Variants in CCDC74B observed in about 807,000 individuals in gnomAD.
The protein encoded by CCDC74B is coiled-coil domain containing 74B, also known as coiled-coil domain-containing protein 74B.
A neutral mutation model predicts 38.0 loss-of-function variants in CCDC74B; 34 were observed. That is an observed-to-expected ratio of 0.89 (90% CI 0.68 to 1.19). The LOEUF (loss-of-function observed/expected upper bound fraction) is 1.19. Among genes scored for constraint, CCDC74B ranks in the 50% most tolerant of loss-of-function variants. The pLI is 0.00. For synonymous variants in CCDC74B, 132 were observed against 170.4 expected, an observed-to-expected ratio of 0.77 and a Z score of 1.76; for missense variants, 358 against 406.0, an observed-to-expected ratio of 0.88 and a Z score of 1.02.
chr2:130,141,955 C>A, intron 3 of CCDC74B, 178 bp downstream of exon 3: 2 of 711,572 alleles, frequency 2.8e-6, no homozygotes, highest in African/African-American at 1.8e-5. Flanking sequence ...TGCCCACCCC[C>A]CCTTAATCCC....
chr2:130,144,210 G>C (rs1429286143), intron 1 of CCDC74B, among the ~76,000 whole-genome samples: 10 of 152,180 alleles, frequency 6.6e-5, no homozygotes. Context: ...CAAGATCTCG[G>C]CTCACTGCAA....
In CCDC74B at chr2:130,144,254, C is replaced by T. The variant is rs529064512; in HGVS notation, c.250+493G>A. 2.9e-4 allele frequency: 114 copies of T among 389,136 alleles called. 1 individual carries two copies. The highest frequency in any genetic ancestry group is 9.0e-4 in the Middle Eastern group (1 of 1,106). The allele number at this position is 389,136 out of a possible 1,614,324, so 24.1% of individuals were successfully genotyped here. On this transcript the variant is annotated intron_variant, in intron 1 of 7. Transcript: ENST00000409943. ...TCCCGGGTTCACGCCATTCTCCTGCCTCAGCCTCCCGAGTAGCTGGGACTA... is the reference window on the plus strand; with the variant it reads ...TCCCGGGTTCACGCCATTCTCCTGCTTCAGCCTCCCGAGTAGCTGGGACTA...
chr2:130,143,349 A>C, intron 1 of CCDC74B, 36 bp from the exon 2 acceptor site: 1 of 1,613,632 alleles, frequency 6.2e-7, no homozygotes, highest in East Asian at 2.2e-5. Flanking sequence ...AGCACTTGTG[A>C]AACCACAGCC....
At position 130,144,839 on chromosome 2, in the gene CCDC74B, A is replaced by C; in HGVS notation, c.158T>G (p.Leu53Arg). 1.2e-6 allele frequency: 2 copies of C among 1,613,520 alleles called. No homozygotes were observed. The highest frequency in any genetic ancestry group is 1.7e-5 in the Admixed American group (1 of 60,020). ...QSDPQKRNLDLEKSLQFLQQQ... is the reference protein window; with the variant it reads ...QSDPQKRNLDREKSLQFLQQQ... The stretch of plus-strand genomic sequence containing the variant: ...CTGCAGGAACTGTAGGCTCTTCTCC[A>C]GGTCCAGGTTCCGTTTCTGCGGGTC... Residue 53 changes from leucine (L) to arginine (R), a missense_variant, in exon 1 of 8, where the codon CTG becomes CGG. Leu to Arg is a moderately radical substitution (Grantham distance 102). Around this residue, in one of 3 missense-constraint regions of CCDC74B, gnomAD observed 128 missense variants for 146.7 expected, o/e 0.87. Transcript: ENST00000409943.
At chr2:130,141,013 C>T (rs1685580639) in intron 4 of CCDC74B, 145 bp downstream of exon 4, 18 of 1,355,976 alleles carry the variant, frequency 1.3e-5, no homozygotes, top group Non-Finnish European at 1.6e-5. Flanking sequence ...CTATCATGAG[C>T]CCTGGAGACA....
Position 130,144,972 on chromosome 2 carries a change from C to T in CCDC74B, c.25G>A (p.Gly9Arg), listed in dbSNP as rs1194083400. The T allele has an allele frequency of 6.8e-6, 10 of 1,475,786 alleles. No homozygotes were observed. The highest frequency in any genetic ancestry group is 4.2e-5 in the South Asian group (3 of 71,278). 91.4% of individuals were successfully genotyped at this position (1,475,786 alleles called of 1,614,324 possible). MSGAGVAAGTRPPSSPTPG... is the reference protein window; with the variant it reads MSGAGVAARTRPPSSPTPG... ...GTCGGCGAGCTGGGGGGCCGCGTCC[C>T]AGCCGCCACCCCCGCACCGCTCATA... Residue 9 changes from glycine (G) to arginine (R), a missense_variant, in exon 1 of 8, where the codon GGG (glycine) becomes AGG (arginine). By Grantham distance (125) the Gly-to-Arg change is moderately radical. Transcript: ENST00000409943.
rs551790252 is a variant in CCDC74B at position 130,139,786 on chromosome 2, G to A, written c.810-96C>T. 3.1e-6 allele frequency: 5 copies of A among 1,606,702 alleles called. No individual in the cohort carries two copies. In the South Asian group the frequency reaches 5.5e-5, roughly 18 times the overall value. ...ATGGCCCTCACGGGGGCACAGAGAG[G>A]CCTCAGCGAGCTCCGCTTCTGCGCT... On this transcript the variant is annotated intron_variant, in intron 7 of 7. Transcript: ENST00000409943.
intron 2 of CCDC74B, 165 bp downstream of exon 2, chr2:130,143,104 T>C (rs1685768004): frequency 4.0e-6 from 6 of 1,493,764 alleles, no homozygotes; most frequent in Non-Finnish European, 5.4e-6. Context: ...CGTAACATCA[T>C]CCAGCCACGG....
rs751440863 is a variant in CCDC74B, at chr2:130,143,274, TTC to T, written c.288_289del (p.Lys97GlufsTer17). ...CTGAAGGGCCCAGTTCTCACCTTTC[TTC>T]TGTGATGTCTGATTCATTATGAGCT... is the stretch of plus-strand genomic sequence containing the variant. On this transcript the variant is annotated frameshift_variant, in exon 2 of 8. Coordinates refer to ENST00000409943, the MANE Select transcript of CCDC74B (RefSeq NM_001258307.2). LOFTEE classifies it high-confidence loss of function. 3.7e-6 allele frequency: 6 copies of T among 1,613,902 alleles called. No individual in the cohort carries two copies. Among genetic ancestry groups the T allele is most frequent in the Non-Finnish European group, 4.2e-6 (5 of 1,179,800 alleles).
intron 1 of CCDC74B, 155 bp downstream of exon 1, chr2:130,144,592 G>T: frequency 1.9e-6 from 3 of 1,548,770 alleles, no homozygotes; most frequent in Non-Finnish European, 2.6e-6. Flanking sequence ...GGGAGGAGGG[G>T]ACAGCTCAGC....
intron 1 of CCDC74B, 113 bp downstream of exon 1, chr2:130,144,634 C>T (rs1455550651): frequency 2.0e-5 from 31 of 1,546,344 alleles, no homozygotes; most frequent in Non-Finnish European, 2.6e-5. Context: ...CCTGTGTTCC[C>T]CCTGAGCCCA....
intron 2 of CCDC74B, chr2:130,142,457 C>T: frequency 6.2e-7 from 1 of 1,611,782 alleles, no homozygotes; most frequent in Non-Finnish European, 8.5e-7. Flanking sequence ...CGTGTCCTGT[C>T]AGCGTCCCCA....
At chr2:130,142,939 A>G in intron 2 of CCDC74B, 1 of 1,550,020 alleles carries the variant, frequency 6.5e-7, no homozygotes, top group Non-Finnish European at 8.7e-7. Context: ...AATCTGAGGC[A>G]AAGATCTAGC....
intron 3 of CCDC74B, 88 bp downstream of exon 3, chr2:130,142,045 T>G: frequency 6.6e-7 from 1 of 1,517,984 alleles, no homozygotes; most frequent in Non-Finnish European, 8.9e-7. Flanking sequence ...CAGCAGAGGG[T>G]ACCTGGTCAG....
chr2:130,143,637 G>A (rs555972616), intron 1 of CCDC74B, among the ~76,000 whole-genome samples: 57 of 152,278 alleles, frequency 3.7e-4, no homozygotes, highest in Admixed American at 5.9e-4. Context: ...TGGCTATGGC[G>A]GTGTCATGAT....
rs1427627867 is a variant in CCDC74B, at chr2:130,139,939, T to C, written c.761A>G (p.Glu254Gly). ...GGAGACCTTGGGGAAATGCGTGGCT[T>C]CTTGGTCCCTGGGTGAAGGAAGAGT... ...PEEASFPRDQ[E>G]ATHFPKVSTK... Residue 254 changes from glutamate to glycine, a missense_variant, in exon 7 of 8, where the codon GAA (glutamate) becomes GGA (glycine). Glu to Gly is a moderately conservative substitution (Grantham distance 98). This residue lies in a region of CCDC74B where 213 missense variants were observed against 212.3 expected (regional missense o/e 1.00). Coordinates refer to ENST00000409943, the MANE Select transcript of CCDC74B (RefSeq NM_001258307.2). The C allele has an allele frequency of 3.7e-6, 6 of 1,611,858 alleles. No individual in the cohort carries two copies. The highest frequency in any genetic ancestry group is 5.1e-6 in the Non-Finnish European group (6 of 1,178,982).
At position 130,140,239 on chromosome 2, in the gene CCDC74B, A is replaced by G. The variant is rs1685512629; in HGVS notation, c.618T>C (p.Leu206=). 1 of 1,613,406 alleles carries G rather than the reference A, an allele frequency of 6.2e-7. No individual in the cohort carries two copies. Among genetic ancestry groups the G allele is most frequent in the South Asian group, 1.1e-5 (1 of 91,060 alleles). The change falls in exon 5 of 8, where the codon CTT becomes CTC. Residue 206 remains leucine (L), a synonymous_variant. Transcript: ENST00000409943. ...CGCGGATGAGCACTTCGCACTGCCT[A>G]AGTGTGGTGGGCTTTCGCAGGGGAA... The part of the protein sequence containing the change: ...LPLPLRKPTT[L]RQCEVLIREL...
chr2:130,144,762 T>A lies in CCDC74B; in HGVS notation c.235A>T (p.Lys79Ter). 1 of 1,612,926 alleles carries A rather than the reference T, an allele frequency of 6.2e-7. No homozygotes were observed. The highest frequency in any genetic ancestry group is 1.1e-5 in the South Asian group (1 of 90,976). The change falls in exon 1 of 8, where the codon AAG becomes TAG. Residue 79 changes from lysine to a stop codon, truncating the protein, a stop_gained. Transcript: ENST00000409943. LOFTEE classifies it high-confidence loss of function. ...AKLHEEIEHL[K>*]RENKDLRYKL... is the part of the protein sequence containing the mutation. Reference sequence around the variant, plus strand: ...GCCGGCTCACCCTTGTTTTCCCGCTTCAGATGCTCGATCTCCTCATGGAGC... The same window carrying A: ...GCCGGCTCACCCTTGTTTTCCCGCTACAGATGCTCGATCTCCTCATGGAGC...
intron 1 of CCDC74B, among the ~76,000 whole-genome samples, chr2:130,143,752 C>T (rs1287675999): frequency 2.0e-5 from 3 of 152,012 alleles, no homozygotes; most frequent in East Asian, 1.9e-4. Flanking sequence ...AAAACAGACG[C>T]CTGGTGATGG....
Sources: allele counts gnomAD v4.1 joint callset (sites outside exome capture counted in the v4.1 genomes callset), GRCh38; gene constraint gnomAD v4.1.1; regional missense constraint gnomAD v4.1.1; transcripts MANE v1.5; gene names NCBI Gene and HGNC (gene_info 2026-07-23, HGNC 2026-07-21).